FAM169A: variants seen among roughly 807,000 people sequenced by gnomAD.
The protein encoded by FAM169A is family with sequence similarity 169 member A.
Under a neutral mutation model 75.7 loss-of-function variants are expected in FAM169A, and 24 were observed. The observed-to-expected ratio is 0.32, with a 90% CI of 0.23 to 0.45. The LOEUF (loss-of-function observed/expected upper bound fraction) is 0.45, where lower values mean the gene tolerates loss of function less well. Among genes scored for constraint, FAM169A ranks in the 20% least tolerant of loss-of-function variants. The pLI is 1.00. For missense variants in FAM169A, 673 were observed against 784.0 expected (o/e 0.86, Z 1.69); for synonymous variants, 271 against 271.0 (o/e 1.00, Z 0.00).
At chr5:74,845,463 A>G (rs1003053376) in intron 1 of FAM169A, among the ~76,000 whole-genome samples, 26 of 152,180 alleles carry the variant, frequency 1.7e-4, no homozygotes, top group African/African-American at 5.3e-4. Context: ...GGTTGCAGTG[A>G]GCCGAGATTG....
intron 1 of FAM169A, among the ~76,000 whole-genome samples, chr5:74,855,636 A>T (rs1381987477): frequency 6.6e-6 from 1 of 152,092 alleles, no homozygotes; most frequent in Non-Finnish European, 1.5e-5. Flanking sequence ...AGATTATTAC[A>T]TGTTTTCAAC....
At chr5:74,856,718 A>G (rs1749724901) in intron 1 of FAM169A, among the ~76,000 whole-genome samples, 1 of 151,864 alleles carries the variant, frequency 6.6e-6, no homozygotes, top group Non-Finnish European at 1.5e-5. Context: ...AGATTAAATA[A>G]ATTTTCCATC....
intron 8 of FAM169A, 148 bp from the exon 9 acceptor site, chr5:74,801,777 T>TTA: frequency 1.5e-6 from 1 of 652,106 alleles, no homozygotes; most frequent in South Asian, 1.8e-5. Context: ...AATAAAAAGG[T>TTA]TATAGTTCAG....
chr5:74,844,112 A>C (rs1463701962), intron 1 of FAM169A, among the ~76,000 whole-genome samples: 2 of 152,242 alleles, frequency 1.3e-5, no homozygotes, highest in African/African-American at 4.8e-5. Context: ...GTAACTTAAG[A>C]GACATGTCAA....
At chr5:74,801,120 A>C in intron 9 of FAM169A, 90 bp from the exon 10 acceptor site, 1 of 972,254 alleles carries the variant, frequency 1.0e-6, no homozygotes, top group Non-Finnish European at 1.4e-6. Flanking sequence ...GAACTACACT[A>C]GTTTACACAT....
At chr5:74,834,999 TAA>T (rs34697673) in intron 4 of FAM169A, among the ~76,000 whole-genome samples, 34 of 131,052 alleles carry the variant, frequency 2.6e-4, no homozygotes, top group Non-Finnish European at 3.8e-4. Flanking sequence ...TCTCCACATT[TAA>T]AAAAAAAAAA....
At chr5:74,848,274 AC>A (rs1749260513) in intron 1 of FAM169A, among the ~76,000 whole-genome samples, 1 of 152,126 alleles carries the variant, frequency 6.6e-6, no homozygotes, top group African/African-American at 2.4e-5. Context: ...CTTTAGAGAG[AC>A]TGTCACATTT....
intron 11 of FAM169A, among the ~76,000 whole-genome samples, chr5:74,783,438 CTTG>C (rs1394560851): frequency 3.3e-5 from 5 of 152,214 alleles, no homozygotes; most frequent in Admixed American, 6.5e-5. Flanking sequence ...ACCCTACCCA[CTTG>C]TTGTTCCTCC....
intron 1 of FAM169A, among the ~76,000 whole-genome samples, chr5:74,846,604 T>C (rs1229313537): frequency 6.6e-6 from 1 of 152,210 alleles, no homozygotes; most frequent in East Asian, 1.9e-4. Context: ...CAATAGGTCA[T>C]CTAAATAAAG....
chr5:74,832,162 T>C (rs1661624406), intron 5 of FAM169A, among the ~76,000 whole-genome samples: 1 of 151,952 alleles, frequency 6.6e-6, no homozygotes, highest in African/African-American at 2.4e-5. Flanking sequence ...TTTGAAAATA[T>C]AAAACATCAT....
intron 11 of FAM169A, among the ~76,000 whole-genome samples, chr5:74,784,339 C>T (rs1005334429): frequency 6.6e-6 from 1 of 151,218 alleles, no homozygotes; most frequent in African/African-American, 2.4e-5. Flanking sequence ...GTGAAACCCG[C>T]TCTCTACTAA....
intron 10 of FAM169A, chr5:74,799,707 T>A (rs114168901): frequency 1.6e-6 from 2 of 1,239,072 alleles, no homozygotes; most frequent in South Asian, 1.2e-5. Context: ...AAAGTGTGCA[T>A]GTCTCAATCT....
At chr5:74,819,356 C>G (rs1747654469) in intron 5 of FAM169A, among the ~76,000 whole-genome samples, 1 of 152,184 alleles carries the variant, frequency 6.6e-6, no homozygotes, top group African/African-American at 2.4e-5. Flanking sequence ...AATGGCACGG[C>G]TACTTCGTAT....
At chr5:74,861,950 C>T (rs1750059029) in intron 1 of FAM169A, among the ~76,000 whole-genome samples, 1 of 152,222 alleles carries the variant, frequency 6.6e-6, no homozygotes, top group African/African-American at 2.4e-5. Context: ...GTAACTATCC[C>T]TCATTTATAC....
chr5:74,864,086 A>G (rs1223766120), intron 1 of FAM169A, among the ~76,000 whole-genome samples: 1 of 152,248 alleles, frequency 6.6e-6, no homozygotes, highest in East Asian at 1.9e-4. Flanking sequence ...GGTACACAAT[A>G]TGTAATCACT....
chr5:74,826,733 AT>A (rs1479769577), intron 5 of FAM169A, among the ~76,000 whole-genome samples: 1 of 152,192 alleles, frequency 6.6e-6, no homozygotes, highest in Non-Finnish European at 1.5e-5. Context: ...TTAACATCCT[AT>A]ATAGCCAAAA....
chr5:74,831,831 C>A (rs1321898226), intron 5 of FAM169A, among the ~76,000 whole-genome samples: 1 of 152,046 alleles, frequency 6.6e-6, no homozygotes, highest in Non-Finnish European at 1.5e-5. Context: ...AGATTTGAAC[C>A]AGCCATCATA....
At chr5:74,826,342 T>C (rs983977723) in intron 5 of FAM169A, among the ~76,000 whole-genome samples, 1 of 152,206 alleles carries the variant, frequency 6.6e-6, no homozygotes, top group Non-Finnish European at 1.5e-5. Flanking sequence ...AAGAATGAGA[T>C]ATTAAAAAGC....
intron 11 of FAM169A, among the ~76,000 whole-genome samples, chr5:74,795,123 T>TG (rs1479505353): frequency 1.3e-5 from 2 of 151,848 alleles, no homozygotes; most frequent in African/African-American, 2.4e-5. Context: ...CTGGGTATGG[T>TG]GGGGGGAACC....
Sources: gnomAD v4.1 joint callset for allele counts (sites outside exome capture counted in the v4.1 genomes callset) on GRCh38, gnomAD v4.1.1 for gene constraint, MANE v1.5 for transcripts, NCBI Gene and HGNC (gene_info 2026-07-23, HGNC 2026-07-21) for gene names.